The following NR2F1-AS1 variants were observed in gnomAD, a reference collection of about 807,000 sequenced individuals.
The protein encoded by NR2F1-AS1 is NR2F1 antisense RNA 1.
chr5:93,422,549 G>C (rs1215946157), intron 4 of NR2F1-AS1: 4 of 152,156 alleles, frequency 2.6e-5, no homozygotes, highest in Non-Finnish European at 4.4e-5. Context: ...CAATAGCCAG[G>C]GGAAAGTGAA....
At chr5:93,438,806 C>T (rs924254811) in intron 4 of NR2F1-AS1, 4 of 152,176 alleles carry the variant, frequency 2.6e-5, no homozygotes, top group African/African-American at 9.7e-5. Flanking sequence ...ACATAAAAGA[C>T]TTGGGAGAAA....
chr5:93,457,552 G>C (rs145796743), intron 4 of NR2F1-AS1, among the ~76,000 whole-genome samples: 4,489 of 152,128 alleles, frequency 0.03, 214 homozygotes, highest in African/African-American at 0.1. Flanking sequence ...CACAGTAACA[G>C]TCTGATCTCT....
intron 4 of NR2F1-AS1, among the ~76,000 whole-genome samples, chr5:93,473,680 G>A (rs1750420512): frequency 6.6e-6 from 1 of 150,606 alleles, no homozygotes; most frequent in African/African-American, 2.4e-5. Context: ...TATTCCTAAA[G>A]ACCAAACACA....
At chr5:93,415,753 C>A (rs1748954619) in intron 4 of NR2F1-AS1, among the ~76,000 whole-genome samples, 1 of 152,180 alleles carries the variant, frequency 6.6e-6, no homozygotes, top group African/African-American at 2.4e-5. Context: ...GCATACACTG[C>A]AGAAAAGCCT....
At chr5:93,581,115 G>A (rs1226628569), upstream of NR2F1-AS1, 1 of 152,268 alleles carries the variant, frequency 6.6e-6, no homozygotes, top group African/African-American at 2.4e-5. Flanking sequence ...CTTAAAGTGA[G>A]AACGAGTATT....
chr5:93,536,888 C>T (rs1000071962), intron 4 of NR2F1-AS1, among the ~76,000 whole-genome samples: 1 of 152,230 alleles, frequency 6.6e-6, no homozygotes, highest in Non-Finnish European at 1.5e-5. Flanking sequence ...CTTTCCTGTG[C>T]TGTTCTCGAG....
At chr5:93,547,278 T>C (rs1252669482) in intron 4 of NR2F1-AS1, among the ~76,000 whole-genome samples, 10 of 152,176 alleles carry the variant, frequency 6.6e-5, no homozygotes, top group African/African-American at 2.4e-4. Flanking sequence ...TAGGTAGACA[T>C]CAAAAGTAGA....
intron 4 of NR2F1-AS1, among the ~76,000 whole-genome samples, chr5:93,535,894 G>C (rs982608159): frequency 1.3e-5 from 2 of 152,108 alleles, no homozygotes; most frequent in African/African-American, 4.8e-5. Flanking sequence ...TCAGGAAGAA[G>C]ACAAGGATGC....
intron 4 of NR2F1-AS1, among the ~76,000 whole-genome samples, chr5:93,440,597 T>C (rs1237112810): frequency 6.6e-6 from 1 of 152,210 alleles, no homozygotes; most frequent in African/African-American, 2.4e-5. Context: ...CTCCCTAGTC[T>C]GGGTTTCTCA....
intron 4 of NR2F1-AS1, among the ~76,000 whole-genome samples, chr5:93,525,213 G>C (rs1751586676): frequency 6.6e-6 from 1 of 152,116 alleles, no homozygotes; most frequent in African/African-American, 2.4e-5. Flanking sequence ...TACAATCCTA[G>C]TCTCTGATAA....
At chr5:93,555,182 G>C (rs1752326051) in intron 2 of NR2F1-AS1, among the ~76,000 whole-genome samples, 1 of 152,050 alleles carries the variant, frequency 6.6e-6, no homozygotes, top group African/African-American at 2.4e-5. Flanking sequence ...CTTCATTTTG[G>C]TTTCCAATTT....
chr5:93,531,424 G>A (rs1751734592), intron 4 of NR2F1-AS1, among the ~76,000 whole-genome samples: 1 of 152,184 alleles, frequency 6.6e-6, no homozygotes, highest in South Asian at 2.1e-4. Flanking sequence ...ATGAAATAAC[G>A]AAAGCCGAGG....
In NR2F1-AS1 at chr5:93,469,147, G is replaced by C. The variant is rs1049157954; in HGVS notation, n.639-73605C>G. Among the ~76,000 whole-genome samples, 5 of 152,252 alleles carry C rather than the reference G, an allele frequency of 3.3e-5. No homozygotes were observed. In the South Asian group the frequency reaches 1.0e-3, roughly 32 times the overall value. On this transcript the variant is annotated intron_variant and non_coding_transcript_variant, in intron 4 of 5. Coordinates refer to ENST00000660523, the Ensembl canonical transcript of NR2F1-AS1. ...TTGAGTTGCTTAATGATGGGGATAT[G>C]TATTGAGAAATGTATCATTAGGTGG...
intron 4 of NR2F1-AS1, among the ~76,000 whole-genome samples, chr5:93,483,133 A>AC (rs552563849): frequency 6.6e-6 from 1 of 151,586 alleles, no homozygotes; most frequent in African/African-American, 2.4e-5. Context: ...TTGGTCCCTG[A>AC]CCCCCATGCC....
intron 4 of NR2F1-AS1, among the ~76,000 whole-genome samples, chr5:93,444,939 C>T (rs1749661985): frequency 6.6e-6 from 1 of 152,124 alleles, no homozygotes; most frequent in South Asian, 2.1e-4. Flanking sequence ...ACAATGTGCT[C>T]CTGAATGACT....
chr5:93,436,302 A>C (rs1213465759), intron 4 of NR2F1-AS1, among the ~76,000 whole-genome samples: 1 of 152,198 alleles, frequency 6.6e-6, no homozygotes, highest in Non-Finnish European at 1.5e-5. Context: ...GTCATTCAAC[A>C]CAGAAACTCA....
At chr5:93,548,505 T>C (rs895405885) in intron 4 of NR2F1-AS1, among the ~76,000 whole-genome samples, 1 of 152,168 alleles carries the variant, frequency 6.6e-6, no homozygotes, top group Non-Finnish European at 1.5e-5. Context: ...ACAGCTCCAG[T>C]TCAGTTTATG....
intron 4 of NR2F1-AS1, among the ~76,000 whole-genome samples, chr5:93,413,066 GTGTGT>G (rs1341955397): frequency 6.8e-5 from 2 of 29,218 alleles, no homozygotes; most frequent in Non-Finnish European, 1.3e-4. Context: ...GCACTATGGT[GTGTGT>G]GTGTGTGTGT....
chr5:93,430,130 T>G (rs1749279254), intron 4 of NR2F1-AS1, among the ~76,000 whole-genome samples: 1 of 152,192 alleles, frequency 6.6e-6, no homozygotes. Context: ...CCTTGGAACT[T>G]AGGAGCCACA....
Sources: allele counts gnomAD v4.1 joint callset (sites outside exome capture counted in the v4.1 genomes callset), GRCh38; gene constraint gnomAD v4.1.1; transcripts MANE v1.5; gene names NCBI Gene and HGNC (gene_info 2026-07-23, HGNC 2026-07-21).